Variants in MAP2K5 observed in about 807,000 individuals in gnomAD.
MAP2K5 encodes the protein mitogen-activated protein kinase kinase 5.
In MAP2K5, 49 loss-of-function variants were observed where a neutral mutation model predicts 83.1. That is an observed-to-expected ratio of 0.59 (90% CI 0.47 to 0.75). The LOEUF (loss-of-function observed/expected upper bound fraction) is 0.75, where lower values mean the gene tolerates loss of function less well. Among genes scored for constraint, MAP2K5 ranks in the 30% least tolerant of loss-of-function variants. The pLI is 0.00. For synonymous variants in MAP2K5, 202 were observed against 191.8 expected (o/e 1.05, Z -0.44); for missense variants, 457 against 557.5 (o/e 0.82, Z 1.82).
In MAP2K5 at chr15:67,755,289, T is replaced by G. The variant is rs1056370773; in HGVS notation, c.1134+6688T>G. 1.3e-5 allele frequency among the ~76,000 whole-genome samples: 2 copies of G among 152,172 alleles called. No individual in the cohort carries two copies. The highest frequency in any genetic ancestry group is 2.9e-5 in the Non-Finnish European group (2 of 68,018). On this transcript the variant is annotated intron_variant, in intron 19 of 21. Coordinates refer to ENST00000178640, the MANE Select transcript of MAP2K5 (RefSeq NM_145160.3). This position sits in a 1 kb window ranked among gnomAD's most constrained non-coding sequence, Gnocchi z 4.7. Reference sequence around the variant, plus strand: ...CACCACTCCTGGCTTTTAGAAGCTTTTTAGTAACATTGTTATAAAGTAGGC... The same window carrying G: ...CACCACTCCTGGCTTTTAGAAGCTTGTTAGTAACATTGTTATAAAGTAGGC...
intron 6 of MAP2K5, among the ~76,000 whole-genome samples, chr15:67,590,004 T>C (rs1211873777): frequency 6.6e-6 from 1 of 152,218 alleles, no homozygotes; most frequent in Non-Finnish European, 1.5e-5. Context: ...GCTATTATTA[T>C]GTTAACTGGA....
intron 13 of MAP2K5, among the ~76,000 whole-genome samples, chr15:67,672,540 C>A (rs1328803098): frequency 6.7e-6 from 1 of 149,982 alleles, no homozygotes; most frequent in Non-Finnish European, 1.5e-5. Flanking sequence ...TGTTTGAGTT[C>A]ATTGTAGATT....
Position 67,543,139 on chromosome 15 carries a change from G to A in MAP2K5, c.-197G>A, listed in dbSNP as rs1567260805. 1.7e-6 allele frequency: 1 copy of A among 598,422 alleles called. No homozygotes were observed. The highest frequency in any genetic ancestry group is 3.0e-6 in the Non-Finnish European group (1 of 336,812). The allele number at this position is 598,422 out of a possible 1,614,324, so 37.1% of individuals were successfully genotyped here. A position where few individuals can be genotyped will look rare whatever the true frequency, so the allele number is the denominator to read the frequency against. On this transcript the variant is annotated 5_prime_UTR_variant, in exon 1 of 22. Coordinates refer to ENST00000178640, the MANE Select transcript of MAP2K5 (RefSeq NM_145160.3). The surrounding 1 kb of genome is among the most constrained non-coding windows in gnomAD (Gnocchi z 4.3). ...TCCCCGGGAGACACCTCAGACCCCC[G>A]ACAGCCTGGGCAGGCTCGGTGCCTG...
intron 3 of MAP2K5, among the ~76,000 whole-genome samples, chr15:67,567,575 G>A (rs866137643): frequency 9.2e-5 from 14 of 151,506 alleles, no homozygotes; most frequent in East Asian, 5.8e-4. Flanking sequence ...CTTGTTAGCC[G>A]GGATGGTCTC....
intron 9 of MAP2K5, among the ~76,000 whole-genome samples, chr15:67,631,471 A>G (rs1425307785): frequency 6.6e-6 from 1 of 152,172 alleles, no homozygotes; most frequent in Non-Finnish European, 1.5e-5. Context: ...TGAGAAGTCA[A>G]ATCACAGATC....
intron 11 of MAP2K5, among the ~76,000 whole-genome samples, chr15:67,654,930 T>A (rs986237688): frequency 1.3e-5 from 2 of 151,956 alleles, no homozygotes; most frequent in Admixed American, 1.3e-4. Context: ...CTGGACTCAG[T>A]GGTGCATGCC....
At position 67,769,997 on chromosome 15, in the gene MAP2K5, G is replaced by A. The variant is rs191148315; in HGVS notation, c.1196+334G>A. ...AGCCCCTACTGAACGGACGTACGAA[G>A]CTTATTTTTATTAATGTAACCTCAA... On this transcript the variant is annotated intron_variant, in intron 20 of 21. Coordinates refer to ENST00000178640, the MANE Select transcript of MAP2K5 (RefSeq NM_145160.3). The surrounding 1 kb of genome is among the most constrained non-coding windows in gnomAD (Gnocchi z 5.2). The A allele has an allele frequency of 2.4e-3, 447 of 185,678 alleles. 1 individual carries two copies. The highest frequency in any genetic ancestry group is 0.01 in the African/African-American group (431 of 42,536). The allele number at this position is 185,678 out of a possible 1,614,324, so 11.5% of individuals were successfully genotyped here.
intron 13 of MAP2K5, among the ~76,000 whole-genome samples, chr15:67,671,699 G>T (rs8029236): frequency 6.6e-6 from 1 of 151,722 alleles, no homozygotes; most frequent in Non-Finnish European, 1.5e-5. Flanking sequence ...TTTAGGGTAC[G>T]TGTGCACAAT....
chr15:67,704,015 C>G (rs947542309), intron 16 of MAP2K5, among the ~76,000 whole-genome samples: 1 of 152,024 alleles, frequency 6.6e-6, no homozygotes, highest in African/African-American at 2.4e-5. Flanking sequence ...ATTGCAATAT[C>G]AACTCTTTAT....
intron 13 of MAP2K5, among the ~76,000 whole-genome samples, chr15:67,670,043 A>G (rs998126861): frequency 1.3e-5 from 2 of 152,156 alleles, no homozygotes; most frequent in African/African-American, 4.8e-5. Flanking sequence ...AAACAACCCA[A>G]GTGTCTTTCA....
intron 7 of MAP2K5, among the ~76,000 whole-genome samples, chr15:67,594,241 G>C (rs1330165052): frequency 2.0e-5 from 3 of 152,100 alleles, no homozygotes; most frequent in African/African-American, 7.2e-5. Context: ...GCAGCCAAAG[G>C]TTTGTTTAGA....
intron 4 of MAP2K5, among the ~76,000 whole-genome samples, chr15:67,585,426 G>C (rs1264631061): frequency 4.6e-5 from 7 of 152,156 alleles, no homozygotes; most frequent in African/African-American, 1.7e-4. Flanking sequence ...GTGCAAAGTA[G>C]TATTCAAACT....
At chr15:67,666,572 C>T (rs907523545) in intron 13 of MAP2K5, among the ~76,000 whole-genome samples, 2 of 152,162 alleles carry the variant, frequency 1.3e-5, no homozygotes, top group African/African-American at 4.8e-5. Context: ...CCAGTAGGTC[C>T]TTCTTTTCAT....
rs188410544 is a variant in MAP2K5 at position 67,778,411 on chromosome 15, T to C, written c.1242+5659T>C. ...ACTTTGGGCTTCACACCAAATGGCTTTGTTTCATTGTTAGACCCAAATCTT... is the reference window on the plus strand; with the variant it reads ...ACTTTGGGCTTCACACCAAATGGCTCTGTTTCATTGTTAGACCCAAATCTT... On this transcript the variant is annotated intron_variant, in intron 21 of 21. Transcript: ENST00000178640. This position sits in a 1 kb window ranked among gnomAD's most constrained non-coding sequence, Gnocchi z 5.0. Among the ~76,000 whole-genome samples the C allele has an allele frequency of 7.9e-4, 120 of 152,350 alleles. 1 individual carries two copies. Among genetic ancestry groups the C allele is most frequent in the Middle Eastern group, 6.8e-3 (2 of 294 alleles).
intron 19 of MAP2K5, among the ~76,000 whole-genome samples, chr15:67,751,005 A>C (rs1341432353): frequency 6.6e-6 from 1 of 152,048 alleles, no homozygotes; most frequent in African/African-American, 2.4e-5. Flanking sequence ...ATATTTTCTT[A>C]TTATGTGGAT....
At chr15:67,643,006 G>A (rs928968921) in intron 9 of MAP2K5, among the ~76,000 whole-genome samples, 1 of 152,112 alleles carries the variant, frequency 6.6e-6, no homozygotes, top group African/African-American at 2.4e-5. Flanking sequence ...ACCTTACTTT[G>A]GGTTAGGAAT....
intron 13 of MAP2K5, chr15:67,679,610 G>GTTCTAA (rs1321215764): frequency 6.6e-6 from 1 of 152,016 alleles, no homozygotes; most frequent in Non-Finnish European, 1.5e-5. Flanking sequence ...ATCAGGCCTA[G>GTTCTAA]AGCATATCAG....
chr15:67,593,254 T>A (rs2085453764), intron 7 of MAP2K5, among the ~76,000 whole-genome samples: 1 of 152,212 alleles, frequency 6.6e-6, no homozygotes, highest in Non-Finnish European at 1.5e-5. Context: ...ACTCGTGGGC[T>A]GTTGAAATGG....
chr15:67,796,638 A>C (rs191125689), intron 21 of MAP2K5, among the ~76,000 whole-genome samples: 1 of 152,230 alleles, frequency 6.6e-6, no homozygotes, highest in East Asian at 1.9e-4. Flanking sequence ...AGTGAGGTCA[A>C]ATATCCAAAC....
Sources: allele counts gnomAD v4.1 joint callset (sites outside exome capture counted in the v4.1 genomes callset), GRCh38; gene constraint gnomAD v4.1.1; non-coding constraint Gnocchi (gnomAD v3.1); transcripts MANE v1.5; gene names NCBI Gene and HGNC (gene_info 2026-07-23, HGNC 2026-07-21).